The following PRRC2B variants were observed in gnomAD, a reference collection of about 807,000 sequenced individuals.
PRRC2B encodes proline rich coiled-coil 2B.
PRRC2B carries 68 observed loss-of-function variants against 242.3 expected under a neutral mutation model. The observed-to-expected ratio is 0.28, with a 90% CI of 0.23 to 0.34. The LOEUF (loss-of-function observed/expected upper bound fraction) is 0.34. PRRC2B is among the 10% of genes least tolerant of loss of function. PRRC2B has a pLI of 1.00. For missense variants in PRRC2B, 2,835 were observed against 2,954.8 expected, an observed-to-expected ratio of 0.96 and a Z score of 0.94; for synonymous variants, 1,228 against 1,173.6, an observed-to-expected ratio of 1.05 and a Z score of -0.95.
intron 9 of PRRC2B, among the ~76,000 whole-genome samples, chr9:131,449,906 T>C (rs1564287640): frequency 1.3e-5 from 2 of 152,236 alleles, no homozygotes; most frequent in African/African-American, 2.4e-5. Context: ...GTATATGGCA[T>C]AAGATAGGAG....
Position 131,432,609 on chromosome 9 carries a change from C to T in PRRC2B, c.116-8C>T. ...CATGGTGTCTGTTCCATGTCCCTCT[C>T]CCTGCAGTTATTCCTAGACATGGCT... On this transcript the variant is annotated splice_region_variant and splice_polypyrimidine_tract_variant and intron_variant, in intron 2 of 31. Transcript: ENST00000683519. The T allele has an allele frequency of 6.2e-7, 1 of 1,613,210 alleles. No individual in the cohort carries two copies. The highest frequency in any genetic ancestry group is 8.5e-7 in the Non-Finnish European group (1 of 1,179,396).
intron 1 of PRRC2B, among the ~76,000 whole-genome samples, chr9:131,429,250 C>T (rs140202102): frequency 1.7e-3 from 264 of 151,470 alleles, no homozygotes; most frequent in African/African-American, 6.2e-3. Context: ...CCCAGCCAGG[C>T]GCTTAGTATT....
At chr9:131,435,123 C>T (rs1838305031) in intron 3 of PRRC2B, among the ~76,000 whole-genome samples, 1 of 151,316 alleles carries the variant, frequency 6.6e-6, no homozygotes, top group Non-Finnish European at 1.5e-5. Flanking sequence ...CATGGCGAAA[C>T]CCGATCTCTA....
chr9:131,444,836 C>G (rs939947104), intron 6 of PRRC2B, among the ~76,000 whole-genome samples: 1 of 152,014 alleles, frequency 6.6e-6, no homozygotes, highest in African/African-American at 2.4e-5. Flanking sequence ...CATCTTAGGT[C>G]GGGCCAGGGA....
chr9:131,474,044 G>A (rs1943617707), intron 15 of PRRC2B, among the ~76,000 whole-genome samples: 1 of 152,224 alleles, frequency 6.6e-6, no homozygotes. Context: ...CATTTCTGTG[G>A]AAGTAAACAG....
chr9:131,473,416 A>C, intron 14 of PRRC2B, 92 bp from the exon 15 acceptor site: 1 of 809,526 alleles, frequency 1.2e-6, no homozygotes. Context: ...AAGTCAGGGT[A>C]ACTGTTAACT....
chr9:131,443,483 G>T (rs538726982), intron 5 of PRRC2B, among the ~76,000 whole-genome samples: 1 of 151,654 alleles, frequency 6.6e-6, no homozygotes, highest in Admixed American at 6.6e-5. Flanking sequence ...ACCCAGACTG[G>T]AGTGCAGTGG....
In PRRC2B at chr9:131,482,056, G is replaced by T. The variant is rs1382038112; in HGVS notation, c.4983+248G>T. 6.6e-6 allele frequency among the ~76,000 whole-genome samples: 1 copy of T among 152,232 alleles called. No individual in the cohort carries two copies. Among genetic ancestry groups the T allele is most frequent in the Non-Finnish European group, 1.5e-5 (1 of 68,040 alleles). ...CAAGGGAGGACCCAACGCTGGGTGGGAAGAGGGATTCAGGGCCTCCTCTGA... is the reference window on the plus strand; with the variant it reads ...CAAGGGAGGACCCAACGCTGGGTGGTAAGAGGGATTCAGGGCCTCCTCTGA... On this transcript the variant is annotated intron_variant, in intron 20 of 31. Transcript: ENST00000683519. This position sits in a 1 kb window ranked among gnomAD's most constrained non-coding sequence, Gnocchi z 5.2.
chr9:131,451,027 G>A (rs551834860), intron 9 of PRRC2B, among the ~76,000 whole-genome samples: 2 of 152,124 alleles, frequency 1.3e-5, no homozygotes, highest in African/African-American at 2.4e-5. Context: ...GGCATTTTAC[G>A]GTTTTTTGAT....
At position 131,498,254 on chromosome 9, in the gene PRRC2B, G is replaced by A. The variant is rs1449686368; in HGVS notation, c.*2380G>A. 6.6e-6 allele frequency: 1 copy of A among 151,852 alleles called. No individual in the cohort carries two copies. Among genetic ancestry groups the A allele is most frequent in the Non-Finnish European group, 1.5e-5 (1 of 67,998 alleles). 9.4% of individuals were successfully genotyped at this position (151,852 alleles called of 1,614,324 possible). A position where few individuals can be genotyped will look rare whatever the true frequency, so the allele number is the denominator to read the frequency against. On this transcript the variant is annotated 3_prime_UTR_variant, in exon 32 of 32. Transcript: ENST00000683519. ...ACACTAGAATTTATTTATATGTATT[G>A]ATGTTGTAGGTCTAGGTGAAAAAAA...
chr9:131,477,053 G>T (rs945647889), intron 16 of PRRC2B, among the ~76,000 whole-genome samples: 1 of 152,232 alleles, frequency 6.6e-6, no homozygotes, highest in Admixed American at 6.5e-5. Flanking sequence ...ACGCAGAGGG[G>T]AGCAGGCTGC....
intron 1 of PRRC2B, among the ~76,000 whole-genome samples, chr9:131,420,809 G>A (rs369405358): frequency 2.1e-4 from 32 of 152,058 alleles, no homozygotes; most frequent in African/African-American, 7.5e-4. Flanking sequence ...ACAGTGCCAC[G>A]TAGGGAGCCT....
chr9:131,417,900 C>G (rs1837701414), intron 1 of PRRC2B, among the ~76,000 whole-genome samples: 1 of 152,198 alleles, frequency 6.6e-6, no homozygotes, highest in African/African-American at 2.4e-5. Flanking sequence ...GCATGACTCT[C>G]TTTTTGTGTC....
In PRRC2B at chr9:131,484,709, C is replaced by T. The variant is rs372684713; in HGVS notation, c.5484C>T (p.Pro1828=). 19 of 1,612,564 alleles carry T rather than the reference C, an allele frequency of 1.2e-5. No individual in the cohort carries two copies. The highest frequency in any genetic ancestry group is 1.3e-5 in the Non-Finnish European group (15 of 1,179,270). The change falls in exon 24 of 32, where the codon CCC becomes CCT. Residue 1828 remains proline, a synonymous_variant. Coordinates refer to ENST00000683519, the MANE Select transcript of PRRC2B (RefSeq NM_013318.4). ...AGGCAGGGTTAACACAGAGTATCCC[C>T]ATCCTGCGGCGGGACCATCACATCC... is the stretch of plus-strand genomic sequence containing the variant. The part of the protein sequence containing the change: ...ASNAGLTQSI[P]ILRRDHHIQR...
Position 131,487,350 on chromosome 9 carries a change from T to A in PRRC2B, c.5984+56T>A. 2 of 1,466,984 alleles carry A rather than the reference T, an allele frequency of 1.4e-6. No homozygotes were observed. The highest frequency in any genetic ancestry group is 1.8e-6 in the Non-Finnish European group (2 of 1,097,130). The allele number at this position is 1,466,984 out of a possible 1,614,324, so 90.9% of individuals were successfully genotyped here. ...CAGCTCACAGCCAGGGCCTTGGCCC[T>A]GTGTGCAGCCTTCGTCCTGCAGCTG... On this transcript the variant is annotated intron_variant, in intron 27 of 31. Transcript: ENST00000683519. The surrounding 1 kb of genome is among the most constrained non-coding windows in gnomAD (Gnocchi z 5.3).
chr9:131,462,162 GA>G (rs968643608), intron 11 of PRRC2B, among the ~76,000 whole-genome samples: 1 of 152,146 alleles, frequency 6.6e-6, no homozygotes, highest in Non-Finnish European at 1.5e-5. Context: ...CAACAGTGAT[GA>G]AATCTATATA....
rs1207438105 is a variant in PRRC2B, at chr9:131,482,512, C to T, written c.5125C>T (p.Pro1709Ser). 7.5e-6 allele frequency: 12 copies of T among 1,610,268 alleles called. No homozygotes were observed. The highest frequency in any genetic ancestry group is 1.0e-5 in the Non-Finnish European group (12 of 1,177,162). Reference sequence around the variant, plus strand: ...GATGAGCGGGCCCGGCCTGGCGGAACCCAAGGCCGACAGCCACAAGGAGCA... The same window carrying T: ...GATGAGCGGGCCCGGCCTGGCGGAATCCAAGGCCGACAGCCACAAGGAGCA... ...EEMSGPGLAE[P>S]KADSHKEQAP... Residue 1709 changes from proline to serine, a missense_variant, in exon 21 of 32, where the codon CCC becomes TCC. Pro to Ser is a moderately conservative substitution (Grantham distance 74). Coordinates refer to ENST00000683519, the MANE Select transcript of PRRC2B (RefSeq NM_013318.4). The surrounding 1 kb of genome is among the most constrained non-coding windows in gnomAD (Gnocchi z 5.2).
intron 28 of PRRC2B, 67 bp downstream of exon 28, chr9:131,488,163 T>A: frequency 2.0e-6 from 3 of 1,525,756 alleles, no homozygotes; most frequent in Non-Finnish European, 2.6e-6. Flanking sequence ...CCTTTTCTTT[T>A]CACCCGCCTC....
intron 1 of PRRC2B, among the ~76,000 whole-genome samples, chr9:131,397,375 A>C (rs941681284): frequency 6.6e-6 from 1 of 152,202 alleles, no homozygotes; most frequent in Non-Finnish European, 1.5e-5. Context: ...AAGAGCCAGG[A>C]AACCTCGGGA....
Sources: gnomAD v4.1 joint callset for allele counts (sites outside exome capture counted in the v4.1 genomes callset) on GRCh38, gnomAD v4.1.1 for gene constraint, Gnocchi (gnomAD v3.1) non-coding constraint, MANE v1.5 for transcripts, NCBI Gene and HGNC (gene_info 2026-07-23, HGNC 2026-07-21) for gene names.